Variants in EPHB1 observed in about 807,000 individuals in gnomAD.
EPHB1 encodes the protein ephrin type-B receptor 1.
In EPHB1, 30 loss-of-function variants were observed where a neutral mutation model predicts 94.4. The ratio of observed to expected loss-of-function variants is 0.32; its 90% confidence interval spans 0.24 to 0.43. EPHB1 has a LOEUF of 0.43. Among genes scored for constraint, EPHB1 ranks in the 20% least tolerant of loss-of-function variants. The probability of loss-of-function intolerance (pLI) is 1.00; values close to 1 mark genes in which losing one functional copy is unlikely to be tolerated. For missense variants in EPHB1, 1,055 were observed against 1,308.3 expected (o/e 0.81, Z 2.99); for synonymous variants, 522 against 489.1 (o/e 1.07, Z -0.89).
intron 1 of EPHB1, chr3:134,840,480 A>G (rs553718504): frequency 8.5e-5 from 13 of 152,344 alleles, no homozygotes; most frequent in African/African-American, 2.9e-4. Context: ...AATAAAATCA[A>G]TCTGGCTCTC....
rs956033593 is a variant in EPHB1, at chr3:134,873,152, A to G, written c.59-52664A>G. Among the ~76,000 whole-genome samples, 8 of 152,226 alleles carry G rather than the reference A, an allele frequency of 5.3e-5. No homozygotes were observed. In the South Asian group the frequency reaches 1.4e-3, roughly 28 times the overall value. On this transcript the variant is annotated intron_variant, in intron 1 of 15. Coordinates refer to ENST00000398015, the MANE Select transcript of EPHB1 (RefSeq NM_004441.5). ...GTGCTGTGACAGAGATTGAGAGATC[A>G]TGCACAAGAGAGAAAAAGGAAGGAG...
At chr3:134,930,495 A>G (rs2038885567) in intron 2 of EPHB1, among the ~76,000 whole-genome samples, 1 of 152,146 alleles carries the variant, frequency 6.6e-6, no homozygotes, top group Non-Finnish European at 1.5e-5. Flanking sequence ...AGGGACCCTC[A>G]CCACAGGCCC....
intron 7 of EPHB1, among the ~76,000 whole-genome samples, chr3:135,162,516 T>C (rs1167485646): frequency 6.6e-6 from 1 of 152,140 alleles, no homozygotes; most frequent in Non-Finnish European, 1.5e-5. Context: ...TCACGCCCAC[T>C]TCACTCCTCT....
At chr3:134,810,973 GC>G (rs1319515392) in intron 1 of EPHB1, among the ~76,000 whole-genome samples, 1 of 152,142 alleles carries the variant, frequency 6.6e-6, no homozygotes, top group Non-Finnish European at 1.5e-5. Flanking sequence ...GTGAGCGACT[GC>G]TTTTCCCCAG....
At chr3:135,048,858 A>G (rs1937087143) in intron 3 of EPHB1, among the ~76,000 whole-genome samples, 1 of 152,190 alleles carries the variant, frequency 6.6e-6, no homozygotes, top group African/African-American at 2.4e-5. Flanking sequence ...CAAATGCCCA[A>G]CCAATAGTCA....
intron 1 of EPHB1, among the ~76,000 whole-genome samples, chr3:134,875,683 A>G (rs1013663509): frequency 2.0e-5 from 3 of 152,142 alleles, no homozygotes; most frequent in Admixed American, 2.0e-4. Flanking sequence ...CGGGCTGGAA[A>G]CACCATAGAT....
At chr3:134,956,659 G>A (rs1933288878) in intron 3 of EPHB1, among the ~76,000 whole-genome samples, 1 of 152,030 alleles carries the variant, frequency 6.6e-6, no homozygotes, top group South Asian at 2.1e-4. Context: ...CTTGCTACGT[G>A]GTTTTAGGTA....
At chr3:134,910,174 G>A (rs1004910186) in intron 1 of EPHB1, among the ~76,000 whole-genome samples, 2 of 152,198 alleles carry the variant, frequency 1.3e-5, no homozygotes, top group African/African-American at 4.8e-5. Flanking sequence ...CCCTAAGGCT[G>A]CAAGTAGCTT....
In EPHB1 at chr3:134,952,052, G is replaced by C; in HGVS notation, c.805G>C (p.Ala269Pro). ...YEPENSVACK[A>P]CPAGTFKASQ... ...GCCTGAGAACAGCGTGGCATGCAAG[G>C]GTAAGCTTTGGAGCCTCTGCTTCCT... The change falls in exon 3 of 16, where the codon GCT becomes CCT. Residue 269 changes from alanine (A) to proline (P), a missense_variant and splice_region_variant. Coordinates refer to ENST00000398015, the MANE Select transcript of EPHB1 (RefSeq NM_004441.5). 4 of 1,595,060 alleles carry C rather than the reference G, an allele frequency of 2.5e-6. No individual in the cohort carries two copies. The highest frequency in any genetic ancestry group is 3.4e-6 in the Non-Finnish European group (4 of 1,167,872).
chr3:135,087,276 A>G (rs1938392820), intron 3 of EPHB1, among the ~76,000 whole-genome samples: 1 of 152,198 alleles, frequency 6.6e-6, no homozygotes, highest in Non-Finnish European at 1.5e-5. Flanking sequence ...TAATTGACAC[A>G]TCTTGGTGAA....
intron 1 of EPHB1, among the ~76,000 whole-genome samples, chr3:134,834,600 T>C (rs920090394): frequency 6.6e-6 from 1 of 152,178 alleles, no homozygotes; most frequent in Non-Finnish European, 1.5e-5. Context: ...TTGACATCTT[T>C]TTATGTTCAG....
intron 3 of EPHB1, among the ~76,000 whole-genome samples, chr3:134,957,702 G>A (rs1012676965): frequency 1.3e-5 from 2 of 152,174 alleles, no homozygotes; most frequent in African/African-American, 4.8e-5. Context: ...GCCAGCACCA[G>A]CTGGGTCCCT....
In EPHB1 at chr3:135,203,699, G is replaced by T. The variant is rs565666795; in HGVS notation, c.2346+2010G>T. Among the ~76,000 whole-genome samples the T allele has an allele frequency of 5.9e-5, 9 of 152,270 alleles. No homozygotes were observed. The South Asian group carries it at 1.7e-3, about 28-fold the overall frequency. Reference sequence around the variant, plus strand: ...TGACGCATTAATTTTCAACAATTAGGTGTGCCTTCTTTGACATTTTTCTTT... The same window carrying T: ...TGACGCATTAATTTTCAACAATTAGTTGTGCCTTCTTTGACATTTTTCTTT... On this transcript the variant is annotated intron_variant, in intron 12 of 15. Transcript: ENST00000398015.
chr3:135,255,682 AGT>A (rs1015792639), intron 15 of EPHB1, among the ~76,000 whole-genome samples: 1 of 151,206 alleles, frequency 6.6e-6, no homozygotes, highest in African/African-American at 2.4e-5. Flanking sequence ...GCTGAAAAAA[AGT>A]GTTTATTCTG....
At position 134,810,987 on chromosome 3, in the gene EPHB1, G is replaced by A. The variant is rs368894449; in HGVS notation, c.58+15298G>A. ...AGTGAGCGACTGCTTTTCCCCAGAA[G>A]GGGAGTCCCATAAAGGACTGTGAGG... On this transcript the variant is annotated intron_variant, in intron 1 of 15. Transcript: ENST00000398015. Among the ~76,000 whole-genome samples, 537 of 152,240 alleles carry A rather than the reference G, an allele frequency of 3.5e-3. 4 individuals are homozygous for A. The highest frequency in any genetic ancestry group is 0.012 in the African/African-American group (511 of 41,562).
At chr3:134,893,392 A>G (rs1255280193) in intron 1 of EPHB1, among the ~76,000 whole-genome samples, 4 of 152,192 alleles carry the variant, frequency 2.6e-5, no homozygotes, top group Non-Finnish European at 5.9e-5. Context: ...AAGCAAACAA[A>G]TCATAAATCC....
chr3:135,009,339 A>G (rs1043474313), intron 3 of EPHB1, among the ~76,000 whole-genome samples: 3 of 152,182 alleles, frequency 2.0e-5, no homozygotes, highest in African/African-American at 7.2e-5. Context: ...ACCAAAATTT[A>G]AGAACCATTG....
chr3:134,848,073 C>A (rs1311802254), intron 1 of EPHB1, among the ~76,000 whole-genome samples: 1 of 152,204 alleles, frequency 6.6e-6, no homozygotes, highest in African/African-American at 2.4e-5. Context: ...CTCATCTCCA[C>A]CCTAGCCCAC....
chr3:134,804,071 A>ATTTTTTTTTTTTTTTT (rs572201781), intron 1 of EPHB1, among the ~76,000 whole-genome samples: 1 of 43,750 alleles, frequency 2.3e-5, no homozygotes, highest in African/African-American at 9.5e-5. Flanking sequence ...ATTATTGGCT[A>ATTTTTTTTTTTTTTTT]TTTTTTTTTT....
Sources: gnomAD v4.1 joint callset for allele counts (sites outside exome capture counted in the v4.1 genomes callset) on GRCh38, gnomAD v4.1.1 for gene constraint, MANE v1.5 for transcripts, NCBI Gene and HGNC (gene_info 2026-07-23, HGNC 2026-07-21) for gene names.